ZMAT4: variants seen among roughly 807,000 people sequenced by gnomAD.
ZMAT4 encodes the protein zinc finger matrin-type protein 4.
Under a neutral mutation model 28.7 loss-of-function variants are expected in ZMAT4, and 17 were observed. That is an observed-to-expected ratio of 0.59 (90% CI 0.41 to 0.89). ZMAT4 has a LOEUF of 0.89. Among genes scored for constraint, ZMAT4 ranks in the 40% least tolerant of loss-of-function variants. ZMAT4 has a pLI of 0.00. For missense variants in ZMAT4, 240 were observed against 283.8 expected (o/e 0.85, Z 1.11); for synonymous variants, 117 against 109.2 (o/e 1.07, Z -0.44).
At chr8:40,662,097 C>G (rs995754932) in intron 5 of ZMAT4, among the ~76,000 whole-genome samples, 1 of 152,156 alleles carries the variant, frequency 6.6e-6, no homozygotes, top group Non-Finnish European at 1.5e-5. Flanking sequence ...CCAGTTCAAC[C>G]TCCTGTGTAG....
chr8:40,564,592 C>G (rs2115807), intron 6 of ZMAT4, among the ~76,000 whole-genome samples: 136,120 of 152,260 alleles, frequency 0.89, 61,429 homozygotes, highest in East Asian at 1. Context: ...TAGGGGAGAA[C>G]ATATCACTTT....
rs1563360151 is a variant in ZMAT4, at chr8:40,601,495, G to GAAAGAAAGAAAGAA, written c.578-20235_578-20234insTTCTTTCTTTCTTT. Among the ~76,000 whole-genome samples, 52 of 97,064 alleles carry GAAAGAAAGAAAGAA rather than the reference G, an allele frequency of 5.4e-4. 4 individuals are homozygous for GAAAGAAAGAAAGAA. The highest frequency in any genetic ancestry group is 1.9e-3 in the African/African-American group (44 of 23,428). The allele number at this position is 97,064 out of a possible 152,430, so 63.7% of individuals were successfully genotyped here. A position where few individuals can be genotyped will look rare whatever the true frequency, so the allele number is the denominator to read the frequency against. On this transcript the variant is annotated intron_variant, in intron 5 of 6. Coordinates refer to ENST00000297737, the MANE Select transcript of ZMAT4 (RefSeq NM_024645.3). ...AAAGAAAGAAAGAAAGAAAGAAAGA[G>GAAAGAAAGAAAGAA]AGAAAGAAAGAAAGAGAAAGAGAAA... is the stretch of plus-strand genomic sequence containing the variant.
In ZMAT4 at chr8:40,836,431, C is replaced by T. The variant is rs1028698164; in HGVS notation, c.-4-10751G>A. Among the ~76,000 whole-genome samples the T allele has an allele frequency of 6.7e-4, 102 of 152,252 alleles. 1 individual carries two copies. Among genetic ancestry groups the T allele is most frequent in the African/African-American group, 2.3e-3 (94 of 41,552 alleles). On this transcript the variant is annotated intron_variant, in intron 1 of 6. Coordinates refer to ENST00000297737, the MANE Select transcript of ZMAT4 (RefSeq NM_024645.3). ...TTCAGGCAAGAAAAAATCTTGCTCA[C>T]GTACAACACAAGGTATGTAAGAGAT...
intron 3 of ZMAT4, among the ~76,000 whole-genome samples, chr8:40,722,497 T>C (rs7841891): frequency 0.27 from 41,797 of 152,042 alleles, 6,648 homozygotes; most frequent in East Asian, 0.56. Context: ...ATTATGCTTG[T>C]AATGATTTTT....
intron 6 of ZMAT4, among the ~76,000 whole-genome samples, chr8:40,564,104 G>A (rs1195331937): frequency 1.3e-5 from 2 of 152,130 alleles, no homozygotes; most frequent in Admixed American, 6.6e-5. Context: ...CCTCCAAAAA[G>A]AGAAAATACG....
chr8:40,592,756 T>A (rs1302476126), intron 5 of ZMAT4, among the ~76,000 whole-genome samples: 2 of 152,190 alleles, frequency 1.3e-5, no homozygotes, highest in Non-Finnish European at 2.9e-5. Context: ...TTTAAAGAGC[T>A]TGTTTATTGG....
intron 1 of ZMAT4, among the ~76,000 whole-genome samples, chr8:40,869,837 G>A (rs542464364): frequency 1.6e-4 from 24 of 152,280 alleles, no homozygotes; most frequent in African/African-American, 5.8e-4. Flanking sequence ...GCAGGGCACC[G>A]ATCCGCCTTC....
chr8:40,855,545 CTG>C (rs1262449966), intron 1 of ZMAT4, among the ~76,000 whole-genome samples: 1 of 152,108 alleles, frequency 6.6e-6, no homozygotes, highest in African/African-American at 2.4e-5. Context: ...CTCATGGAAA[CTG>C]GGGCATTTTC....
chr8:40,587,481 C>T (rs528915399), intron 5 of ZMAT4, among the ~76,000 whole-genome samples: 1 of 151,990 alleles, frequency 6.6e-6, no homozygotes, highest in African/African-American at 2.4e-5. Flanking sequence ...AAATCTATGA[C>T]AATAGCAGCA....
chr8:40,594,508 C>T (rs1274681240), intron 5 of ZMAT4, among the ~76,000 whole-genome samples: 1 of 152,198 alleles, frequency 6.6e-6, no homozygotes, highest in South Asian at 2.1e-4. Context: ...GTGTTTGTAA[C>T]CCTTATGTGT....
chr8:40,831,109 G>A (rs542859779), intron 1 of ZMAT4, among the ~76,000 whole-genome samples: 10 of 152,128 alleles, frequency 6.6e-5, no homozygotes, highest in South Asian at 4.2e-4. Context: ...TAACATAGTC[G>A]GTGCATTGAA....
At chr8:40,745,928 A>C (rs1812198040) in intron 3 of ZMAT4, among the ~76,000 whole-genome samples, 1 of 152,178 alleles carries the variant, frequency 6.6e-6, no homozygotes, top group Non-Finnish European at 1.5e-5. Context: ...CTAATTTGTT[A>C]GTACTCAGCT....
chr8:40,779,307 T>C (rs2150570574), intron 2 of ZMAT4, among the ~76,000 whole-genome samples: 1 of 152,198 alleles, frequency 6.6e-6, no homozygotes, highest in South Asian at 2.1e-4. Context: ...CTTTATAAAT[T>C]ACCCAGTCTC....
intron 3 of ZMAT4, among the ~76,000 whole-genome samples, chr8:40,714,510 A>T (rs939658129): frequency 1.3e-5 from 2 of 152,360 alleles, no homozygotes; most frequent in East Asian, 3.9e-4. Flanking sequence ...AATATAATTT[A>T]TGATGTATTG....
intron 4 of ZMAT4, among the ~76,000 whole-genome samples, chr8:40,696,761 C>T (rs1809905038): frequency 6.6e-6 from 1 of 152,130 alleles, no homozygotes; most frequent in African/African-American, 2.4e-5. Context: ...GTTCTTGGCA[C>T]ACTAAAGTAC....
At chr8:40,542,345 A>C (rs906720153) in intron 6 of ZMAT4, among the ~76,000 whole-genome samples, 6 of 152,096 alleles carry the variant, frequency 3.9e-5, no homozygotes, top group Non-Finnish European at 4.4e-5. Flanking sequence ...AAAAGCAGTA[A>C]TATGATCATC....
chr8:40,752,109 A>G (rs913039915), intron 3 of ZMAT4, among the ~76,000 whole-genome samples: 3 of 152,166 alleles, frequency 2.0e-5, no homozygotes, highest in Non-Finnish European at 4.4e-5. Flanking sequence ...CTGGAAGCAC[A>G]TATCAGATCA....
At chr8:40,852,710 G>A (rs1468626580) in intron 1 of ZMAT4, among the ~76,000 whole-genome samples, 1 of 152,182 alleles carries the variant, frequency 6.6e-6, no homozygotes, top group Admixed American at 6.5e-5. Flanking sequence ...GCACTTCAGA[G>A]AGATCCTTTA....
intron 2 of ZMAT4, among the ~76,000 whole-genome samples, chr8:40,799,044 T>C (rs906948335): frequency 2.0e-5 from 3 of 151,042 alleles, no homozygotes; most frequent in African/African-American, 7.4e-5. Context: ...GAAGGATAGA[T>C]GGCTGGCTGG....
Sources: gnomAD v4.1 joint callset for allele counts (sites outside exome capture counted in the v4.1 genomes callset) on GRCh38, gnomAD v4.1.1 for gene constraint, MANE v1.5 for transcripts, NCBI Gene and HGNC (gene_info 2026-07-23, HGNC 2026-07-21) for gene names.